Variants in TMEM38A observed in about 807,000 individuals in gnomAD.
TMEM38A encodes trimeric intracellular cation channel type A.
Under a neutral mutation model 28.6 loss-of-function variants are expected in TMEM38A, and 17 were observed. The ratio of observed to expected loss-of-function variants is 0.60; its 90% CI spans 0.41 to 0.89. The LOEUF (loss-of-function observed/expected upper bound fraction) is 0.89, where lower values mean the gene tolerates loss of function less well. Among genes scored for constraint, TMEM38A ranks in the 40% least tolerant of loss-of-function variants. TMEM38A has a pLI of 0.00. For synonymous variants in TMEM38A, 169 were observed against 166.1 expected (o/e 1.02, Z -0.14); for missense variants, 328 against 393.1 (o/e 0.83, Z 1.40).
intron 4 of TMEM38A, among the ~76,000 whole-genome samples, chr19:16,685,612 G>T (rs2086798537): frequency 6.6e-6 from 1 of 152,206 alleles, no homozygotes; most frequent in Non-Finnish European, 1.5e-5. Context: ...CTAACCACCT[G>T]TGTGGCTGAC....
chr19:16,680,095 A>G lies in TMEM38A; in HGVS notation c.236A>G (p.Asp79Gly). The change falls in exon 2 of 6, where the codon GAT becomes GGT. Residue 79 changes from aspartate (D) to glycine (G), a missense_variant. Asp to Gly is a moderately conservative substitution (Grantham distance 94). Transcript: ENST00000187762. ...ADLLLGEPLI[D>G]YFSNNSSILL... ...CTGCTCCTTGGGGAGCCACTGATCG[A>G]TTACTTCAGCAACAACTCCAGCATC... The G allele has an allele frequency of 6.2e-7, 1 of 1,610,960 alleles. No homozygotes were observed.
chr19:16,673,943 A>G (rs562249463), intron 1 of TMEM38A, among the ~76,000 whole-genome samples: 1 of 151,886 alleles, frequency 6.6e-6, no homozygotes, highest in South Asian at 2.1e-4. Flanking sequence ...AAAAAAAAAA[A>G]AGTATAAAAA....
In TMEM38A at chr19:16,669,846, C is replaced by T. The variant is rs1295729157; in HGVS notation, c.124+8505C>T. 3.9e-5 allele frequency among the ~76,000 whole-genome samples: 6 copies of T among 152,268 alleles called. No individual in the cohort carries two copies. In the East Asian group the frequency reaches 9.6e-4, roughly 24 times the overall value. ...AGTCATCTGCAAATGAGGCATTGAC[C>T]CCTGAAAAGGGAAAGTCACAGAGTC... On this transcript the variant is annotated intron_variant, in intron 1 of 5. Coordinates refer to ENST00000187762, the MANE Select transcript of TMEM38A (RefSeq NM_024074.4).
At chr19:16,682,341 G>C in intron 3 of TMEM38A, 80 bp from the exon 4 acceptor site, 1 of 1,154,272 alleles carries the variant, frequency 8.7e-7, no homozygotes, top group South Asian at 1.2e-5. Flanking sequence ...GGAGTGGAGA[G>C]ACTGCTTCCT....
chr19:16,689,964 C>T lies in TMEM38A; in HGVS notation c.*1593C>T, dbSNP rs2086819121. ...AGGTGGGTCCTGGGGAGGTTTCATC[C>T]TCTTGCTTGTCCACCTCAGCTCGGT... is the stretch of plus-strand genomic sequence containing the variant. On this transcript the variant is annotated 3_prime_UTR_variant, in exon 6 of 6. Coordinates refer to ENST00000187762, the MANE Select transcript of TMEM38A (RefSeq NM_024074.4). 1 of 152,170 alleles carries T rather than the reference C, an allele frequency of 6.6e-6. No individual in the cohort carries two copies. The highest frequency in any genetic ancestry group is 2.1e-4 in the South Asian group (1 of 4,832). 9.4% of individuals were successfully genotyped at this position (152,170 alleles called of 1,614,324 possible).
At chr19:16,677,739 G>A (rs2086758408) in intron 1 of TMEM38A, among the ~76,000 whole-genome samples, 1 of 152,048 alleles carries the variant, frequency 6.6e-6, no homozygotes, top group African/African-American at 2.4e-5. Flanking sequence ...AAAATTTTTT[G>A]CAGAGGTGGG....
intron 1 of TMEM38A, among the ~76,000 whole-genome samples, chr19:16,672,515 C>T (rs961089524): frequency 7.1e-6 from 1 of 140,506 alleles, no homozygotes; most frequent in Non-Finnish European, 1.5e-5. Flanking sequence ...GTGGTGTGAC[C>T]TTGGCTCACT....
intron 1 of TMEM38A, among the ~76,000 whole-genome samples, chr19:16,664,700 G>A (rs570128996): frequency 4.6e-5 from 7 of 152,116 alleles, no homozygotes; most frequent in African/African-American, 1.4e-4. Context: ...GCTCAACTGC[G>A]CCTGGCTGGG....
At chr19:16,666,937 A>T (rs1430479677) in intron 1 of TMEM38A, among the ~76,000 whole-genome samples, 1 of 138,348 alleles carries the variant, frequency 7.2e-6, no homozygotes, top group Non-Finnish European at 1.5e-5. Flanking sequence ...TGGGCAAAAG[A>T]GCGAAACTCC....
chr19:16,680,516 T>C lies in TMEM38A; in HGVS notation c.401T>C (p.Ile134Thr). The change falls in exon 3 of 6, where the codon ATC becomes ACC. Residue 134 changes from isoleucine (I) to threonine (T), a missense_variant. Ile to Thr is a moderately conservative substitution (Grantham distance 89). Coordinates refer to ENST00000187762, the MANE Select transcript of TMEM38A (RefSeq NM_024074.4). ...VVRVRKIAVGIHHAHHHYHHG... is the reference protein window; with the variant it reads ...VVRVRKIAVGTHHAHHHYHHG... ...CGAGTCCGCAAGATCGCGGTGGGCA[T>C]CCATCACGCCCATCACCACTACCAC... The C allele has an allele frequency of 6.2e-7, 1 of 1,614,144 alleles. No homozygotes were observed. Among genetic ancestry groups the C allele is most frequent in the Non-Finnish European group, 8.5e-7 (1 of 1,180,024 alleles).
Position 16,661,349 on chromosome 19 carries a change from G to C in TMEM38A, c.124+8G>C. On this transcript the variant is annotated splice_region_variant and intron_variant, in intron 1 of 5. Coordinates refer to ENST00000187762, the MANE Select transcript of TMEM38A (RefSeq NM_024074.4). The surrounding 1 kb of genome is among the most constrained non-coding windows in gnomAD (Gnocchi z 6.5). ...ACCTCAAGTATGAGCCAGGTGAGCC[G>C]GGGCGGGGGGCTGGAGGGGACCGGC... 1.3e-6 allele frequency: 2 copies of C among 1,584,256 alleles called. No individual in the cohort carries two copies. The highest frequency in any genetic ancestry group is 1.7e-6 in the Non-Finnish European group (2 of 1,165,022).
At chr19:16,669,937 T>C (rs2086719305) in intron 1 of TMEM38A, among the ~76,000 whole-genome samples, 1 of 151,894 alleles carries the variant, frequency 6.6e-6, no homozygotes, top group African/African-American at 2.4e-5. Flanking sequence ...CTGATTTTTT[T>C]CTGTTTGTTT....
chr19:16,663,041 G>A (rs1266131022), intron 1 of TMEM38A, among the ~76,000 whole-genome samples: 1 of 151,924 alleles, frequency 6.6e-6, no homozygotes, highest in Non-Finnish European at 1.5e-5. Flanking sequence ...AGCACTTTGG[G>A]AGGCCAAGAC....
chr19:16,679,987 C>T lies in TMEM38A; in HGVS notation c.128C>T (p.Ala43Val). ...GGGACACTCCTGTGCCTCCCAGGAGCAGTCGAACTGTCCCGGCGCCACCCC... is the reference window on the plus strand; with the variant it reads ...GGGACACTCCTGTGCCTCCCAGGAGTAGTCGAACTGTCCCGGCGCCACCCC... Reference protein sequence around the residue: ...SILYLKYEPGAVELSRRHPIA... With the variant: ...SILYLKYEPGVVELSRRHPIA... Residue 43 changes from alanine to valine, a missense_variant, in exon 2 of 6, where the codon GCA (alanine) becomes GTA (valine). Ala to Val is a moderately conservative substitution (Grantham distance 64). Transcript: ENST00000187762. 6.2e-7 allele frequency: 1 copy of T among 1,601,712 alleles called. No homozygotes were observed.
chr19:16,662,352 C>T (rs901706229), intron 1 of TMEM38A, among the ~76,000 whole-genome samples: 2 of 150,704 alleles, frequency 1.3e-5, no homozygotes, highest in African/African-American at 4.9e-5. Flanking sequence ...AAGAGAATTA[C>T]TGTCAACATA....
At chr19:16,682,176 CA>C (rs1197899150) in intron 3 of TMEM38A, among the ~76,000 whole-genome samples, 1 of 152,052 alleles carries the variant, frequency 6.6e-6, no homozygotes, top group Non-Finnish European at 1.5e-5. Flanking sequence ...ACCTGCCTTG[CA>C]GGTGGGGACA....
At chr19:16,687,340 A>G (rs1193994467) in intron 5 of TMEM38A, among the ~76,000 whole-genome samples, 1 of 151,456 alleles carries the variant, frequency 6.6e-6, no homozygotes, top group Non-Finnish European at 1.5e-5. Context: ...TCAAAAACAA[A>G]CAAACAGGCA....
intron 3 of TMEM38A, among the ~76,000 whole-genome samples, chr19:16,681,775 T>TCCTTGGGGACAAG (rs1335009241): frequency 6.6e-6 from 1 of 152,154 alleles, no homozygotes; most frequent in Non-Finnish European, 1.5e-5. Flanking sequence ...TTCTCAACAT[T>TCCTTGGGGACAAG]GCCAGATGCT....
In TMEM38A at chr19:16,680,472, G is replaced by T. The variant is rs145997838; in HGVS notation, c.357G>T (p.Val119=). Residue 119 remains valine, a synonymous_variant, in exon 3 of 6, where the codon GTG becomes GTT. Transcript: ENST00000187762. ...VCFLPVKLIF[V]AMKEVVRVRK... ...TCCTGCCTGTGAAACTCATCTTCGT[G>T]GCCATGAAGGAGGTGGTGCGAGTCC... The T allele has an allele frequency of 9.9e-6, 16 of 1,613,998 alleles. No homozygotes were observed. The African/African-American group carries it at 1.9e-4, about 19-fold the overall frequency.
Sources: gnomAD v4.1 joint callset for allele counts (sites outside exome capture counted in the v4.1 genomes callset) on GRCh38, gnomAD v4.1.1 for gene constraint, Gnocchi (gnomAD v3.1) non-coding constraint, MANE v1.5 for transcripts, NCBI Gene and HGNC (gene_info 2026-07-23, HGNC 2026-07-21) for gene names.